XYLT1: variants seen among roughly 807,000 people sequenced by gnomAD.
XYLT1 encodes the protein xylosyltransferase 1, also known as beta-D-xylosyltransferase 1.
Under a neutral mutation model 91.3 loss-of-function variants are expected in XYLT1, and 36 were observed. The observed-to-expected ratio is 0.39, with a 90% CI of 0.30 to 0.52. XYLT1 has a LOEUF of 0.52. XYLT1 is among the 20% of genes least tolerant of loss of function. The pLI is 0.68. For missense variants in XYLT1, 1,242 were observed against 1,284.5 expected, an observed-to-expected ratio of 0.97 and a Z score of 0.51; for synonymous variants, 588 against 532.0, an observed-to-expected ratio of 1.11 and a Z score of -1.45.
chr16:17,129,329 T>C (rs1414491309), intron 9 of XYLT1, among the ~76,000 whole-genome samples: 1 of 152,124 alleles, frequency 6.6e-6, no homozygotes, highest in Admixed American at 6.5e-5. Context: ...TGGCATGATC[T>C]TGGCTCACTG....
At chr16:17,209,873 T>G (rs2032726501) in intron 3 of XYLT1, among the ~76,000 whole-genome samples, 1 of 152,196 alleles carries the variant, frequency 6.6e-6, no homozygotes, top group Non-Finnish European at 1.5e-5. Context: ...TCCTGAGGAC[T>G]ATAGCGATTG....
chr16:17,420,221 G>C (rs1193169075), intron 1 of XYLT1, among the ~76,000 whole-genome samples: 1 of 152,142 alleles, frequency 6.6e-6, no homozygotes, highest in Non-Finnish European at 1.5e-5. Flanking sequence ...GGTAATGCTA[G>C]AGTTATACAC....
At chr16:17,310,473 C>T (rs933264865) in intron 2 of XYLT1, among the ~76,000 whole-genome samples, 5 of 152,162 alleles carry the variant, frequency 3.3e-5, no homozygotes, top group African/African-American at 9.7e-5. Flanking sequence ...GGCCTGAGAG[C>T]AGGAATTGCA....
intron 3 of XYLT1, among the ~76,000 whole-genome samples, chr16:17,235,731 T>C (rs1207512027): frequency 6.6e-6 from 1 of 152,220 alleles, no homozygotes; most frequent in Non-Finnish European, 1.5e-5. Context: ...TGCATCTGTT[T>C]ACAGAAAATC....
chr16:17,310,466 C>T (rs947646185), intron 2 of XYLT1, among the ~76,000 whole-genome samples: 2 of 152,166 alleles, frequency 1.3e-5, no homozygotes, highest in African/African-American at 2.4e-5. Flanking sequence ...GTGATGTGGC[C>T]TGAGAGCAGG....
At chr16:17,349,424 T>G (rs2035190240) in intron 2 of XYLT1, among the ~76,000 whole-genome samples, 1 of 152,092 alleles carries the variant, frequency 6.6e-6, no homozygotes, top group Non-Finnish European at 1.5e-5. Flanking sequence ...GGAGACAGAT[T>G]TCATTTGTCA....
intron 3 of XYLT1, among the ~76,000 whole-genome samples, chr16:17,228,371 T>A (rs919676515): frequency 6.6e-6 from 1 of 152,238 alleles, no homozygotes; most frequent in Non-Finnish European, 1.5e-5. Context: ...CAGGAAGCTA[T>A]ATCTTAATTC....
At chr16:17,178,082 G>T (rs1232378241) in intron 5 of XYLT1, among the ~76,000 whole-genome samples, 2 of 109,506 alleles carry the variant, frequency 1.8e-5, no homozygotes, top group Non-Finnish European at 3.4e-5. Flanking sequence ...AGGCTGGGTG[G>T]TAAGAAAACC....
At chr16:17,181,696 G>A (rs1035663332) in intron 5 of XYLT1, among the ~76,000 whole-genome samples, 1 of 152,080 alleles carries the variant, frequency 6.6e-6, no homozygotes, top group Non-Finnish European at 1.5e-5. Context: ...CTTGAGACAT[G>A]GTTATTAGTG....
intron 1 of XYLT1, among the ~76,000 whole-genome samples, chr16:17,370,488 G>A (rs926761379): frequency 3.9e-5 from 6 of 152,212 alleles, no homozygotes; most frequent in Admixed American, 3.9e-4. Flanking sequence ...AGGGCAGGAT[G>A]AGAAAGAGCT....
intron 6 of XYLT1, among the ~76,000 whole-genome samples, chr16:17,152,618 T>C (rs1158508873): frequency 1.3e-5 from 2 of 152,208 alleles, no homozygotes; most frequent in African/African-American, 4.8e-5. Flanking sequence ...TGTTTAAACA[T>C]TTGCTTGTTT....
chr16:17,394,657 T>G (rs763066233), intron 1 of XYLT1, among the ~76,000 whole-genome samples: 2 of 152,172 alleles, frequency 1.3e-5, no homozygotes, highest in Non-Finnish European at 2.9e-5. Context: ...TGGGAAGAGC[T>G]CTGGCCCTGG....
intron 2 of XYLT1, among the ~76,000 whole-genome samples, chr16:17,345,196 T>C (rs2035127532): frequency 6.6e-6 from 1 of 152,226 alleles, no homozygotes; most frequent in Non-Finnish European, 1.5e-5. Context: ...GCTTCACTCA[T>C]GTGGTGACGA....
At chr16:17,230,407 G>C (rs2033140317) in intron 3 of XYLT1, among the ~76,000 whole-genome samples, 1 of 152,108 alleles carries the variant, frequency 6.6e-6, no homozygotes, top group South Asian at 2.1e-4. Flanking sequence ...TCCTGGGCTA[G>C]TTCCGATGTC....
At chr16:17,441,356 GA>G (rs2036529494) in intron 1 of XYLT1, among the ~76,000 whole-genome samples, 1 of 152,076 alleles carries the variant, frequency 6.6e-6, no homozygotes, top group South Asian at 2.1e-4. Context: ...ACACAAAACT[GA>G]ATTAGTTGTT....
chr16:17,289,736 C>CA (rs528603289), intron 2 of XYLT1, among the ~76,000 whole-genome samples: 1 of 151,752 alleles, frequency 6.6e-6, no homozygotes, highest in African/African-American at 2.4e-5. Flanking sequence ...TGACTGGCTC[C>CA]AAAAAAAAGT....
chr16:17,444,260 C>T (rs2036566690), intron 1 of XYLT1, among the ~76,000 whole-genome samples: 1 of 152,228 alleles, frequency 6.6e-6, no homozygotes, highest in African/African-American at 2.4e-5. Flanking sequence ...CCACTAATTG[C>T]TAAACTAATC....
In XYLT1 at chr16:17,470,423, G is replaced by T; in HGVS notation, c.363+11C>A. Reference sequence around the variant, plus strand: ...CCTCGCCGCGGGGCGCGAGCCGAAAGGGCATCTTACCAGAGCCCGGGCGGG... The same window carrying T: ...CCTCGCCGCGGGGCGCGAGCCGAAATGGCATCTTACCAGAGCCCGGGCGGG... On this transcript the variant is annotated intron_variant, in intron 1 of 11. Coordinates refer to ENST00000261381, the MANE Select transcript of XYLT1 (RefSeq NM_022166.4). 1 of 1,228,900 alleles carries T rather than the reference G, an allele frequency of 8.1e-7. No individual in the cohort carries two copies. Among genetic ancestry groups the T allele is most frequent in the Non-Finnish European group, 1.0e-6 (1 of 985,472 alleles). 76.1% of individuals were successfully genotyped at this position (1,228,900 alleles called of 1,614,324 possible). A position where few individuals can be genotyped will look rare whatever the true frequency, so the allele number is the denominator to read the frequency against.
At chr16:17,188,903 C>T (rs750810004) in intron 5 of XYLT1, among the ~76,000 whole-genome samples, 7 of 152,284 alleles carry the variant, frequency 4.6e-5, no homozygotes, top group African/African-American at 1.2e-4. Context: ...AAAGAAGCTG[C>T]GATTTGGACC....
Sources: gnomAD v4.1 joint callset for allele counts (sites outside exome capture counted in the v4.1 genomes callset) on GRCh38, gnomAD v4.1.1 for gene constraint, MANE v1.5 for transcripts, NCBI Gene and HGNC (gene_info 2026-07-23, HGNC 2026-07-21) for gene names.